The following POLR2B variants were observed in gnomAD, a reference collection of about 807,000 sequenced individuals.
POLR2B encodes the protein RNA polymerase II subunit B.
In POLR2B, 57 loss-of-function variants were observed where a neutral mutation model predicts 144.6. The ratio of observed to expected loss-of-function variants is 0.39; its 90% CI spans 0.32 to 0.49. The LOEUF (loss-of-function observed/expected upper bound fraction) is 0.49, where lower values mean the gene tolerates loss of function less well. Among genes scored for constraint, POLR2B ranks in the 20% least tolerant of loss-of-function variants. The pLI, the probability that POLR2B is intolerant of heterozygous loss-of-function variation, is 0.83. For synonymous variants in POLR2B, 442 were observed against 469.8 expected, an observed-to-expected ratio of 0.94 and a Z score of 0.77; for missense variants, 595 against 1,467.4, an observed-to-expected ratio of 0.41 and a Z score of 9.71.
intron 13 of POLR2B, among the ~76,000 whole-genome samples, chr4:57,015,236 T>C (rs530840991): frequency 1.3e-5 from 2 of 152,320 alleles, no homozygotes; most frequent in Middle Eastern, 3.4e-3. Flanking sequence ...ATTGAAAAAA[T>C]ATTTCCTACG....
At chr4:57,019,265 G>A (rs1485433956) in intron 16 of POLR2B, among the ~76,000 whole-genome samples, 1 of 152,194 alleles carries the variant, frequency 6.6e-6, no homozygotes, top group African/African-American at 2.4e-5. Context: ...GAAGGACTAG[G>A]TTTGAAAGCA....
intron 14 of POLR2B, among the ~76,000 whole-genome samples, chr4:57,016,425 G>A (rs1723366947): frequency 6.6e-6 from 1 of 151,878 alleles, no homozygotes; most frequent in Admixed American, 6.6e-5. Flanking sequence ...GAATGCACCT[G>A]CAGTCCAGCT....
Position 57,005,253 on chromosome 4 carries a change from C to A in POLR2B, c.908C>A (p.Pro303His). 6.5e-7 allele frequency: 1 copy of A among 1,545,306 alleles called. No individual in the cohort carries two copies. The highest frequency in any genetic ancestry group is 8.7e-7 in the Non-Finnish European group (1 of 1,150,094). Residue 303 changes from proline (P) to histidine (H), a missense_variant, in exon 8 of 25, where the codon CCT (proline) becomes CAT (histidine). Pro to His is a moderately conservative substitution (Grantham distance 77). Transcript: ENST00000314595. ...EDPEMMEMVK[P>H]SLDEAFVIQE... ...ATTTAAATTGTCTGATAGGTTAAACCTTCTCTCGATGAAGCTTTTGTCATC... is the reference window on the plus strand; with the variant it reads ...ATTTAAATTGTCTGATAGGTTAAACATTCTCTCGATGAAGCTTTTGTCATC...
chr4:56,979,097 G>T (rs1390870430), intron 1 of POLR2B, 93 bp downstream of exon 1: 1 of 1,303,086 alleles, frequency 7.7e-7, no homozygotes, highest in Non-Finnish European at 1.1e-6. Context: ...GCCTTCCCAT[G>T]CGCCGGCTGC....
At position 57,017,163 on chromosome 4, in the gene POLR2B, A is replaced by T; in HGVS notation, c.2076A>T (p.Thr692=). The T allele has an allele frequency of 6.2e-7, 1 of 1,612,904 alleles. No homozygotes were observed. The highest frequency in any genetic ancestry group is 8.5e-7 in the Non-Finnish European group (1 of 1,179,134). The change falls in exon 15 of 25, where the codon ACA becomes ACT. Residue 692 remains threonine (T), a synonymous_variant. Coordinates refer to ENST00000314595, the MANE Select transcript of POLR2B (RefSeq NM_000938.3). This position sits in a 1 kb window ranked among gnomAD's most constrained non-coding sequence, Gnocchi z 4.8. The part of the protein sequence containing the change: ...LQEKEVAYCS[T]YTHCEIHPSM... ...AGAAAGAAGTAGCTTATTGTTCCAC[A>T]TATACACACTGTGAGATTCATCCCT...
chr4:57,005,191 A>G, intron 7 of POLR2B, 55 bp from the exon 8 acceptor site: 1 of 1,065,584 alleles, frequency 9.4e-7, no homozygotes, highest in South Asian at 2.1e-5. Flanking sequence ...CAGTTTACTC[A>G]TTTTAAGGTA....
chr4:56,981,246 G>A (rs1205384664), intron 1 of POLR2B, among the ~76,000 whole-genome samples: 1 of 151,802 alleles, frequency 6.6e-6, no homozygotes, highest in Non-Finnish European at 1.5e-5. Context: ...AGAAAGCATC[G>A]CGCCCCCCCT....
At chr4:57,029,323 C>T (rs967719950) in intron 23 of POLR2B, among the ~76,000 whole-genome samples, 3 of 152,164 alleles carry the variant, frequency 2.0e-5, no homozygotes, top group African/African-American at 7.2e-5. Flanking sequence ...TTTGTTTCCT[C>T]AACTGTTTGG....
At chr4:57,009,948 A>C (rs1041199934) in intron 10 of POLR2B, 1 of 153,646 alleles carries the variant, frequency 6.5e-6, no homozygotes, top group African/African-American at 2.4e-5. Context: ...GTCTGGAAAA[A>C]GTACTGAGAT....
chr4:57,025,076 A>G, intron 22 of POLR2B, 77 bp downstream of exon 22: 1 of 748,786 alleles, frequency 1.3e-6, no homozygotes, highest in South Asian at 1.6e-5. Flanking sequence ...AAACAATGTA[A>G]CCTTTTATTG....
intron 2 of POLR2B, among the ~76,000 whole-genome samples, chr4:56,988,405 C>A (rs1348303914): frequency 1.3e-5 from 2 of 151,636 alleles, no homozygotes; most frequent in South Asian, 4.2e-4. Context: ...CGCACCTGCC[C>A]GTAATCCCAA....
At chr4:57,022,396 T>TA (rs1313989153) in intron 18 of POLR2B, 150 bp downstream of exon 18, 1 of 617,706 alleles carries the variant, frequency 1.6e-6, no homozygotes, top group African/African-American at 1.9e-5. Context: ...ATGTTATTCT[T>TA]AGAGTTCACA....
At position 57,005,594 on chromosome 4, in the gene POLR2B, T is replaced by TG; in HGVS notation, c.1098-6_1098-5insG. On this transcript the variant is annotated splice_region_variant and splice_polypyrimidine_tract_variant and intron_variant, in intron 8 of 24. Transcript: ENST00000314595. ...TCTTTCTTTCTTTCTTTTTTTTTTTTTAAAGATACATGGTTCATAGGTTAC... is the reference window on the plus strand; with the variant it reads ...TCTTTCTTTCTTTCTTTTTTTTTTTTGTAAAGATACATGGTTCATAGGTTAC... 4.5e-6 allele frequency: 7 copies of TG among 1,564,802 alleles called. No homozygotes were observed. The highest frequency in any genetic ancestry group is 6.0e-6 in the Non-Finnish European group (7 of 1,163,806).
intron 5 of POLR2B, 44 bp downstream of exon 5, chr4:56,994,910 A>G (rs2109662486): frequency 8.8e-7 from 1 of 1,138,102 alleles, no homozygotes; most frequent in South Asian, 1.4e-5. Flanking sequence ...GGTAGTTAAA[A>G]TTTAGTTTAA....
chr4:56,988,320 A>C (rs1277285), intron 2 of POLR2B, among the ~76,000 whole-genome samples: 135,494 of 151,844 alleles, frequency 0.89, 60,482 homozygotes, highest in East Asian at 0.97. Flanking sequence ...GCTTTAAAAT[A>C]GAAGGCTGTG....
intron 7 of POLR2B, among the ~76,000 whole-genome samples, chr4:57,002,517 C>G (rs1722885985): frequency 6.6e-6 from 1 of 151,896 alleles, no homozygotes. Flanking sequence ...ATTGTTATTC[C>G]TTTTTTCTAA....
At chr4:57,029,779 C>T (rs1431811429) in intron 23 of POLR2B, among the ~76,000 whole-genome samples, 1 of 152,124 alleles carries the variant, frequency 6.6e-6, no homozygotes, top group Non-Finnish European at 1.5e-5. Context: ...TAAATGATAG[C>T]ATGATGAACC....
Position 57,023,798 on chromosome 4 carries a change from ATT to A in POLR2B, c.2856+56_2856+57del. ...CATGCCCAAACCAGTTTTGTTAAAT[ATT>A]TTTTTTTTAATCAAAATTTGCTTTA... On this transcript the variant is annotated intron_variant, in intron 20 of 24. Transcript: ENST00000314595. This position sits in a 1 kb window ranked among gnomAD's most constrained non-coding sequence, Gnocchi z 4.3. 3.3e-6 allele frequency: 4 copies of A among 1,220,760 alleles called. No individual in the cohort carries two copies. The highest frequency in any genetic ancestry group is 4.6e-6 in the Non-Finnish European group (4 of 872,672). The allele number at this position is 1,220,760 out of a possible 1,614,324, so 75.6% of individuals were successfully genotyped here.
chr4:57,015,622 G>T lies in POLR2B; in HGVS notation c.1921G>T (p.Asp641Tyr). The T allele has an allele frequency of 2.0e-6, 3 of 1,494,136 alleles. No individual in the cohort carries two copies. The South Asian group carries it at 4.3e-5, about 22-fold the overall frequency. 92.6% of individuals were successfully genotyped at this position (1,494,136 alleles called of 1,614,324 possible). A position where few individuals can be genotyped will look rare whatever the true frequency, so the allele number is the denominator to read the frequency against. ...QKLLLKKRHIDQLKEREYNNY... is the reference protein window; with the variant it reads ...QKLLLKKRHIYQLKEREYNNY... ...GCTACTTTTGAAGAAGAGGCATATTGACCAATTGAAAGAGAGAGAATATAA... is the reference window on the plus strand; with the variant it reads ...GCTACTTTTGAAGAAGAGGCATATTTACCAATTGAAAGAGAGAGAATATAA... The change falls in exon 14 of 25, where the codon GAC becomes TAC. Residue 641 changes from aspartate to tyrosine, a missense_variant. Coordinates refer to ENST00000314595, the MANE Select transcript of POLR2B (RefSeq NM_000938.3).
Sources: allele counts gnomAD v4.1 joint callset (sites outside exome capture counted in the v4.1 genomes callset), GRCh38; gene constraint gnomAD v4.1.1; non-coding constraint Gnocchi (gnomAD v3.1); transcripts MANE v1.5; gene names NCBI Gene and HGNC (gene_info 2026-07-23, HGNC 2026-07-21).